ZNF418: variants seen among roughly 807,000 people sequenced by gnomAD.
ZNF418 encodes the protein zinc finger protein 418.
A neutral mutation model predicts 32.0 loss-of-function variants in ZNF418; 32 were observed. That is an observed-to-expected ratio of 1.00 (90% CI 0.75 to 1.34). The LOEUF is 1.34. ZNF418 is among the 40% of genes most tolerant of loss of function. The pLI is 0.00. For synonymous variants in ZNF418, 276 were observed against 270.7 expected (o/e 1.02, Z -0.19); for missense variants, 804 against 812.5 (o/e 0.99, Z 0.13).
chr19:57,933,171 T>C lies in ZNF418; in HGVS notation c.6+646A>G, dbSNP rs142915622. On this transcript the variant is annotated intron_variant, in intron 2 of 5. Coordinates refer to ENST00000396147, the MANE Select transcript of ZNF418 (RefSeq NM_133460.3). ...CATTCTTCACATCCCCAATGAATAT[T>C]ATACCTACTATGTGCTCATCTCAGT... Among the ~76,000 whole-genome samples the C allele has an allele frequency of 2.6e-3, 393 of 152,362 alleles. 1 individual carries two copies. Among genetic ancestry groups the C allele is most frequent in the Middle Eastern group, 6.8e-3 (2 of 294 alleles).
chr19:57,925,026 C>T (rs1437794233), intron 4 of ZNF418, among the ~76,000 whole-genome samples: 4 of 152,118 alleles, frequency 2.6e-5, no homozygotes, highest in African/African-American at 4.8e-5. Flanking sequence ...CACCAGAACC[C>T]AGTTGTTTCC....
chr19:57,925,550 C>T (rs913446324), intron 4 of ZNF418, 73 bp downstream of exon 4: 1 of 153,860 alleles, frequency 6.5e-6, no homozygotes, highest in Non-Finnish European at 1.4e-5. Flanking sequence ...CCCTCTGGAC[C>T]AGTACTGAGA....
intron 2 of ZNF418, among the ~76,000 whole-genome samples, chr19:57,931,507 C>T (rs1483945698): frequency 6.6e-6 from 1 of 151,986 alleles, no homozygotes; most frequent in African/African-American, 2.4e-5. Context: ...CGGCCTTACA[C>T]ATCATTCTTT....
Position 57,935,160 on chromosome 19 carries a change from C to T in ZNF418, c.-81+1G>A. On this transcript the variant is annotated splice_donor_variant, in intron 1 of 5. Coordinates refer to ENST00000396147, the MANE Select transcript of ZNF418 (RefSeq NM_133460.3). LOFTEE classifies it low-confidence loss of function (5UTR_SPLICE). ...CCTGAGGGCAGGGAAGGCACAATTA[C>T]CTGAGCCGGGAGCCTCAGCGCGGCC... The T allele has an allele frequency of 3.0e-6, 4 of 1,312,778 alleles. No homozygotes were observed. The highest frequency in any genetic ancestry group is 4.0e-6 in the Non-Finnish European group (4 of 1,011,942). 81.3% of individuals were successfully genotyped at this position (1,312,778 alleles called of 1,614,324 possible). A position where few individuals can be genotyped will look rare whatever the true frequency, so the allele number is the denominator to read the frequency against.
At position 57,922,313 on chromosome 19, in the gene ZNF418, A is replaced by G. The variant is rs187082716; in HGVS notation, c.*942T>C. On this transcript the variant is annotated 3_prime_UTR_variant, in exon 6 of 6. Coordinates refer to ENST00000396147, the MANE Select transcript of ZNF418 (RefSeq NM_133460.3). Reference sequence around the variant, plus strand: ...CTCTTTGTTAGTTTCATCAATCGAGAAGAGAGGGGAGGGTATGCAAAATAA... The same window carrying G: ...CTCTTTGTTAGTTTCATCAATCGAGGAGAGAGGGGAGGGTATGCAAAATAA... The G allele has an allele frequency of 5.8e-6, 2 of 342,598 alleles. No homozygotes were observed. Among genetic ancestry groups the G allele is most frequent in the Admixed American group, 9.5e-5 (2 of 21,028 alleles). The allele number at this position is 342,598 out of a possible 1,614,324, so 21.2% of individuals were successfully genotyped here. A position where few individuals can be genotyped will look rare whatever the true frequency, so the allele number is the denominator to read the frequency against.
At position 57,927,297 on chromosome 19, in the gene ZNF418, A is replaced by G. The variant is rs780800385; in HGVS notation, c.884T>C (p.Phe295Ser). ...CTGAACAAGGCTGCCCTTATGACTA[A>G]AAGATTTCCCACATTCTCCACATTC... ...PYECGECGKS[F>S]SHKGSLVQHQ... The change falls in exon 4 of 6, where the codon TTT (phenylalanine) becomes TCT (serine). Residue 295 changes from phenylalanine (F) to serine (S), a missense_variant. Phe to Ser is a radical substitution (Grantham distance 155). Coordinates refer to ENST00000396147, the MANE Select transcript of ZNF418 (RefSeq NM_133460.3). 6.2e-7 allele frequency: 1 copy of G among 1,614,000 alleles called. No individual in the cohort carries two copies. The highest frequency in any genetic ancestry group is 1.7e-5 in the Admixed American group (1 of 60,014).
intron 4 of ZNF418, among the ~76,000 whole-genome samples, chr19:57,923,885 G>GAAA (rs2072108653): frequency 6.6e-6 from 1 of 151,542 alleles, no homozygotes; most frequent in Admixed American, 6.6e-5. Flanking sequence ...CACTTTCATG[G>GAAA]GTTTCTATGA....
chr19:57,934,285 G>T, intron 1 of ZNF418: 1 of 944,412 alleles, frequency 1.1e-6, no homozygotes, highest in Non-Finnish European at 1.3e-6. Flanking sequence ...GAGTGCAATG[G>T]CTCACCGCAA....
chr19:57,930,707 G>T, intron 2 of ZNF418, 153 bp from the exon 3 acceptor site: 1 of 1,102,442 alleles, frequency 9.1e-7, no homozygotes, highest in Non-Finnish European at 1.3e-6. Flanking sequence ...GTCTCTTCGT[G>T]GGCCCACTGG....
chr19:57,923,539 T>TACACACACAC (rs34833982), intron 4 of ZNF418, among the ~76,000 whole-genome samples: 4 of 144,020 alleles, frequency 2.8e-5, no homozygotes, highest in African/African-American at 1.0e-4. Flanking sequence ...TATATATACA[T>TACACACACAC]ACACACACAC....
intron 2 of ZNF418, among the ~76,000 whole-genome samples, chr19:57,933,298 G>GTAAAGA (rs1265883264): frequency 1.3e-5 from 2 of 152,166 alleles, no homozygotes; most frequent in East Asian, 1.9e-4. Flanking sequence ...TCTAGTTACC[G>GTAAAGA]ACCGGGCTTG....
intron 3 of ZNF418, among the ~76,000 whole-genome samples, chr19:57,928,351 T>C (rs1007364218): frequency 3.3e-5 from 5 of 152,070 alleles, no homozygotes; most frequent in African/African-American, 1.2e-4. Context: ...TGCAGTGGCA[T>C]AATCTCTGTC....
In ZNF418 at chr19:57,927,837, C is replaced by T. The variant is rs1047217332; in HGVS notation, c.344G>A (p.Trp115Ter). The part of the protein sequence containing the change: ...HKQKLHRCEA[W>*]GNKLYDSSNR... ...TGAACTATCATACAATTTATTCCCCCATGCCTCACACCTGTGCAGTTTCTG... is the reference window on the plus strand; with the variant it reads ...TGAACTATCATACAATTTATTCCCCTATGCCTCACACCTGTGCAGTTTCTG... The change falls in exon 4 of 6, where the codon TGG (tryptophan) becomes TAG (stop). Residue 115 changes from tryptophan to a stop codon, truncating the protein, a stop_gained. Coordinates refer to ENST00000396147, the MANE Select transcript of ZNF418 (RefSeq NM_133460.3). LOFTEE classifies it high-confidence loss of function. 4 of 1,614,020 alleles carry T rather than the reference C, an allele frequency of 2.5e-6. No individual in the cohort carries two copies. Among genetic ancestry groups the T allele is most frequent in the Non-Finnish European group, 3.4e-6 (4 of 1,179,938 alleles).
At chr19:57,934,961 C>G in intron 1 of ZNF418, 200 bp downstream of exon 1, 1 of 1,384,836 alleles carries the variant, frequency 7.2e-7, no homozygotes, top group South Asian at 1.3e-5. Flanking sequence ...GTCCTCCAGG[C>G]CATAGCCCGC....
chr19:57,924,162 CA>C (rs1287337776), intron 4 of ZNF418, among the ~76,000 whole-genome samples: 3 of 151,240 alleles, frequency 2.0e-5, no homozygotes, highest in African/African-American at 7.3e-5. Flanking sequence ...AAAAGAAAAA[CA>C]TGGATTTTCT....
chr19:57,930,370 A>G, intron 3 of ZNF418, 58 bp downstream of exon 3: 4 of 1,611,954 alleles, frequency 2.5e-6, no homozygotes, highest in South Asian at 2.2e-5. Context: ...TGCCAATGGG[A>G]GAAAAGGGGA....
Position 57,927,878 on chromosome 19 carries a change from C to G in ZNF418, c.303G>C (p.Gln101His). The G allele has an allele frequency of 3.1e-6, 5 of 1,614,096 alleles. No individual in the cohort carries two copies. Among genetic ancestry groups the G allele is most frequent in the Non-Finnish European group, 4.2e-6 (5 of 1,180,024 alleles). Residue 101 changes from glutamine (Q) to histidine (H), a missense_variant, in exon 4 of 6, where the codon CAG (glutamine) becomes CAC (histidine). Coordinates refer to ENST00000396147, the MANE Select transcript of ZNF418 (RefSeq NM_133460.3). ...LGDILHLADHQGTHHKQKLHR... is the reference protein window; with the variant it reads ...LGDILHLADHHGTHHKQKLHR... ...GCAGTTTCTGCTTGTGATGTGTCCC[C>G]TGATGATCTGCCAAGTGCAAAATGT...
rs1226465422 is a variant in ZNF418, at chr19:57,926,349, C to G, written c.1832G>C (p.Arg611Thr). 6.2e-7 allele frequency: 1 copy of G among 1,611,630 alleles called. No homozygotes were observed. The highest frequency in any genetic ancestry group is 8.5e-7 in the Non-Finnish European group (1 of 1,178,778). The stretch of plus-strand genomic sequence containing the variant: ...GTAAGGCTTTCCTCGAGTATGAAGT[C>G]TCTGATGTTTAAAATGCGCAGACCT... The part of the protein sequence containing the change: ...TRRSAHFKHQ[R>T]LHTRGKPYEC... Residue 611 changes from arginine to threonine, a missense_variant, in exon 4 of 6, where the codon AGA becomes ACA. This residue lies in a region of ZNF418 where 475 missense variants were observed against 458.6 expected (regional missense o/e 1.04). Coordinates refer to ENST00000396147, the MANE Select transcript of ZNF418 (RefSeq NM_133460.3).
At chr19:57,932,487 T>C in intron 2 of ZNF418, 1 of 1,535,446 alleles carries the variant, frequency 6.5e-7, no homozygotes, top group African/African-American at 1.4e-5. Context: ...TATGAAGGCC[T>C]TCTTGCATGG....
Sources: gnomAD v4.1 joint callset for allele counts (sites outside exome capture counted in the v4.1 genomes callset) on GRCh38, gnomAD v4.1.1 for gene constraint, gnomAD v4.1.1 regional missense constraint, MANE v1.5 for transcripts, NCBI Gene and HGNC (gene_info 2026-07-23, HGNC 2026-07-21) for gene names.